OLFM3: variants seen among roughly 807,000 people sequenced by gnomAD.
OLFM3 encodes noelin-3.
A neutral mutation model predicts 48.6 loss-of-function variants in OLFM3; 20 were observed. The observed-to-expected ratio is 0.41, with a 90% CI of 0.29 to 0.60. The LOEUF is 0.60. OLFM3 is among the 20% of genes least tolerant of loss of function. OLFM3 has a pLI of 0.28. For synonymous variants in OLFM3, 222 were observed against 198.1 expected (o/e 1.12, Z -1.01); for missense variants, 437 against 544.3 (o/e 0.80, Z 1.96).
chr1:101,865,724 T>C (rs1371569661), intron 1 of OLFM3, among the ~76,000 whole-genome samples: 1 of 152,214 alleles, frequency 6.6e-6, no homozygotes, highest in Non-Finnish European at 1.5e-5. Context: ...ACACTGGCTG[T>C]AGTGCTATCA....
intron 1 of OLFM3, among the ~76,000 whole-genome samples, chr1:101,956,103 T>TTTTTTTTTTTTTTA (rs781231551): frequency 7.0e-6 from 1 of 143,360 alleles, no homozygotes; most frequent in Non-Finnish European, 1.5e-5. Context: ...TTTTTTTTTT[T>TTTTTTTTTTTTTTA]AAAAAAAACC....
intron 1 of OLFM3, among the ~76,000 whole-genome samples, chr1:101,964,270 T>C (rs1660551071): frequency 6.6e-6 from 1 of 152,092 alleles, no homozygotes; most frequent in Non-Finnish European, 1.5e-5. Context: ...TTGGGAAACG[T>C]TGAATATTGC....
Position 101,962,998 on chromosome 1 carries a change from G to A in OLFM3, c.69+33750C>T, listed in dbSNP as rs373540306. Among the ~76,000 whole-genome samples the A allele has an allele frequency of 5.0e-4, 76 of 152,282 alleles. 1 individual carries two copies. The highest frequency in any genetic ancestry group is 2.9e-3 in the South Asian group (14 of 4,822). On this transcript the variant is annotated intron_variant, in intron 1 of 5. Transcript: ENST00000370103. ...ACCATTTCATTGTGTAACTTTTCGG[G>A]ATTTTCACGAATTCCCTAGTGGGCT...
chr1:101,806,098 A>G lies in OLFM3; in HGVS notation c.677T>C (p.Leu226Ser), dbSNP rs200241392. Residue 226 changes from leucine to serine, a missense_variant, in exon 5 of 6, where the codon TTA (leucine) becomes TCA (serine). By Grantham distance (145) the Leu-to-Ser change is moderately radical. This residue lies in a region of OLFM3 where 314 missense variants were observed against 365.5 expected (regional missense o/e 0.86). Coordinates refer to ENST00000370103, the MANE Select transcript of OLFM3 (RefSeq NM_058170.4). Reference protein sequence around the residue: ...TRFGAWMTDPLASEKNNRVWY... With the variant: ...TRFGAWMTDPSASEKNNRVWY... ...TACTCTGTTGTTTTTCTCAGATGCT[A>G]AAGGGTCTGTCATCCAAGCACCAAA... 1.2e-6 allele frequency: 2 copies of G among 1,611,686 alleles called. No individual in the cohort carries two copies. Among genetic ancestry groups the G allele is most frequent in the Non-Finnish European group, 8.5e-7 (1 of 1,178,362 alleles).
At chr1:101,818,733 A>G (rs182425759) in intron 4 of OLFM3, among the ~76,000 whole-genome samples, 32 of 152,282 alleles carry the variant, frequency 2.1e-4, no homozygotes, top group African/African-American at 7.5e-4. Flanking sequence ...GACAACAAAC[A>G]TGAAAAAAGG....
At chr1:101,820,523 T>C (rs719515) in intron 4 of OLFM3, among the ~76,000 whole-genome samples, 35,964 of 151,922 alleles carry the variant, frequency 0.24, 5,259 homozygotes, top group Non-Finnish European at 0.33. Context: ...TTCATTGGAG[T>C]ACATTAAGAA....
At chr1:101,953,868 A>G (rs1436054430) in intron 1 of OLFM3, among the ~76,000 whole-genome samples, 1 of 152,136 alleles carries the variant, frequency 6.6e-6, no homozygotes, top group Non-Finnish European at 1.5e-5. Context: ...AGAGTGACAA[A>G]TATAGATTCA....
intron 1 of OLFM3, among the ~76,000 whole-genome samples, chr1:101,866,372 A>G (rs1656857288): frequency 6.6e-6 from 1 of 152,128 alleles, no homozygotes; most frequent in African/African-American, 2.4e-5. Flanking sequence ...AATATCTTCA[A>G]TATTATTGTT....
chr1:101,819,944 C>T (rs1309064509), intron 4 of OLFM3, among the ~76,000 whole-genome samples: 1 of 151,980 alleles, frequency 6.6e-6, no homozygotes, highest in Non-Finnish European at 1.5e-5. Flanking sequence ...GCTTGTCAAG[C>T]AGTAGGCATC....
intron 1 of OLFM3, among the ~76,000 whole-genome samples, chr1:101,917,151 A>G (rs906397752): frequency 1.3e-5 from 2 of 152,108 alleles, no homozygotes; most frequent in Non-Finnish European, 2.9e-5. Flanking sequence ...AGAAGGTCAG[A>G]ATATTTTAGA....
Position 101,917,384 on chromosome 1 carries a change from C to A in OLFM3, c.69+79364G>T, listed in dbSNP as rs201494921. On this transcript the variant is annotated intron_variant, in intron 1 of 5. Coordinates refer to ENST00000370103, the MANE Select transcript of OLFM3 (RefSeq NM_058170.4). ...GTGTTTCTTTTTGTAAACACTGCAC[C>A]AAAAATAAAAATAAAAGCCATAAAT... Among the ~76,000 whole-genome samples the A allele has an allele frequency of 5.3e-4, 80 of 151,684 alleles. 1 individual carries two copies. The highest frequency in any genetic ancestry group is 1.8e-3 in the African/African-American group (74 of 41,318).
At chr1:101,991,463 T>C in intron 1 of OLFM3, among the ~76,000 whole-genome samples, 1 of 152,076 alleles carries the variant, frequency 6.6e-6, no homozygotes, top group Non-Finnish European at 1.5e-5. Flanking sequence ...TACATTTTCT[T>C]AGTACAAAAA....
At chr1:101,837,297 T>C (rs1195573346) in intron 1 of OLFM3, among the ~76,000 whole-genome samples, 2 of 152,318 alleles carry the variant, frequency 1.3e-5, no homozygotes, top group African/African-American at 2.4e-5. Context: ...CCCAATGCTT[T>C]TTCTATTTTG....
intron 1 of OLFM3, among the ~76,000 whole-genome samples, chr1:101,911,356 T>C (rs543374012): frequency 6.6e-6 from 1 of 152,270 alleles, no homozygotes; most frequent in South Asian, 2.1e-4. Flanking sequence ...CATTCAAATT[T>C]AGACTCTGAG....
intron 3 of OLFM3, among the ~76,000 whole-genome samples, chr1:101,827,835 G>C (rs914557704): frequency 6.6e-6 from 1 of 152,110 alleles, no homozygotes; most frequent in African/African-American, 2.4e-5. Context: ...CTTTGATATG[G>C]TTTGGCTCTG....
At chr1:101,959,919 T>A (rs1181929575) in intron 1 of OLFM3, among the ~76,000 whole-genome samples, 1 of 152,180 alleles carries the variant, frequency 6.6e-6, no homozygotes, top group African/African-American at 2.4e-5. Context: ...TGACCCCTAA[T>A]TATCAGAAAA....
chr1:101,991,219 T>C (rs908157208), intron 1 of OLFM3, among the ~76,000 whole-genome samples: 1 of 151,608 alleles, frequency 6.6e-6, no homozygotes, highest in Non-Finnish European at 1.5e-5. Context: ...CAGGAAGTAA[T>C]ATCACTCAGA....
chr1:101,919,728 C>T (rs944469999), intron 1 of OLFM3, among the ~76,000 whole-genome samples: 2 of 152,126 alleles, frequency 1.3e-5, no homozygotes, highest in Admixed American at 6.6e-5. Flanking sequence ...CTATTATTTG[C>T]ATGGTATTTA....
At position 101,803,603 on chromosome 1, in the gene OLFM3, A is replaced by G. The variant is rs1653599176; in HGVS notation, c.*635T>C. 1.3e-5 allele frequency: 2 copies of G among 152,218 alleles called. 1 individual carries two copies. Among genetic ancestry groups the G allele is most frequent in the South Asian group, 4.1e-4 (2 of 4,830 alleles). The allele number at this position is 152,218 out of a possible 1,614,324, so 9.4% of individuals were successfully genotyped here. A position where few individuals can be genotyped will look rare whatever the true frequency, so the allele number is the denominator to read the frequency against. On this transcript the variant is annotated 3_prime_UTR_variant, in exon 6 of 6. Transcript: ENST00000370103. ...GGTTAAATTTCAGTGTATTTTATAAAAAATATTACTTTCACAGAAGTGAAG... is the reference window on the plus strand; with the variant it reads ...GGTTAAATTTCAGTGTATTTTATAAGAAATATTACTTTCACAGAAGTGAAG...
Sources: allele counts gnomAD v4.1 joint callset (sites outside exome capture counted in the v4.1 genomes callset), GRCh38; gene constraint gnomAD v4.1.1; regional missense constraint gnomAD v4.1.1; transcripts MANE v1.5; gene names NCBI Gene and HGNC (gene_info 2026-07-23, HGNC 2026-07-21).